Variants in OPCML observed in about 807,000 individuals in gnomAD.
The protein encoded by OPCML is opioid-binding protein/cell adhesion molecule.
Under a neutral mutation model 37.8 loss-of-function variants are expected in OPCML, and 13 were observed. That is an observed-to-expected ratio of 0.34 (90% CI 0.22 to 0.55). The LOEUF (loss-of-function observed/expected upper bound fraction) is 0.55, where lower values mean the gene tolerates loss of function less well. OPCML is among the 20% of genes least tolerant of loss of function. The pLI is 0.91. For synonymous variants in OPCML, 176 were observed against 168.8 expected, an observed-to-expected ratio of 1.04 and a Z score of -0.33; for missense variants, 341 against 435.6, an observed-to-expected ratio of 0.78 and a Z score of 1.93.
chr11:132,923,755 A>ATTTTTTT lies in OPCML; in HGVS notation c.146+19164_146+19170dup, dbSNP rs71038509. Among the ~76,000 whole-genome samples, 112 of 92,092 alleles carry ATTTTTTT rather than the reference A, an allele frequency of 1.2e-3. 2 individuals carry two copies. The highest frequency in any genetic ancestry group is 2.5e-3 in the African/African-American group (56 of 22,010). 60.4% of individuals were successfully genotyped at this position (92,092 alleles called of 152,430 possible). A position where few individuals can be genotyped will look rare whatever the true frequency, so the allele number is the denominator to read the frequency against. On this transcript the variant is annotated intron_variant, in intron 2 of 7. Coordinates refer to ENST00000524381, the MANE Select transcript of OPCML (RefSeq NM_001012393.5). ...GCGAAGTATCACAGAAGTTACTTGA[A>ATTTTTTT]TTTTTTTTTTTTTTTTTTTTTTTTT...
intron 1 of OPCML, among the ~76,000 whole-genome samples, chr11:133,362,973 C>T (rs970815087): frequency 6.6e-6 from 1 of 152,222 alleles, no homozygotes; most frequent in African/African-American, 2.4e-5. Flanking sequence ...CTTGTTTTCA[C>T]ATGGGACTAC....
At chr11:133,357,241 G>C (rs1267139995) in intron 1 of OPCML, among the ~76,000 whole-genome samples, 1 of 152,176 alleles carries the variant, frequency 6.6e-6, no homozygotes, top group Non-Finnish European at 1.5e-5. Flanking sequence ...AAGAGGCATG[G>C]ACATACACTT....
At position 133,532,415 on chromosome 11, in the gene OPCML, G is replaced by T. The variant is rs1304404270; in HGVS notation, c.-91C>A. On this transcript the variant is annotated 5_prime_UTR_variant, in exon 1 of 8. In the 5' UTR this introduces an upstream ATG that the reference lacks. Transcript: ENST00000524381. ...CTTCCTCTGTGCTGAATTCTGAGCA[G>T]GTTTAAATCCAATGTTTGCAAAGGG... 4 of 1,485,130 alleles carry T rather than the reference G, an allele frequency of 2.7e-6. No homozygotes were observed. The highest frequency in any genetic ancestry group is 2.8e-6 in the Non-Finnish European group (3 of 1,084,564). 92.0% of individuals were successfully genotyped at this position (1,485,130 alleles called of 1,614,324 possible). A position where few individuals can be genotyped will look rare whatever the true frequency, so the allele number is the denominator to read the frequency against.
intron 1 of OPCML, among the ~76,000 whole-genome samples, chr11:133,284,295 C>T (rs1942239849): frequency 6.6e-6 from 1 of 152,214 alleles, no homozygotes; most frequent in African/African-American, 2.4e-5. Context: ...TCAGAGGCCC[C>T]TCTGGCTGTT....
chr11:132,735,388 A>G (rs1415879348), intron 2 of OPCML, among the ~76,000 whole-genome samples: 1 of 152,220 alleles, frequency 6.6e-6, no homozygotes, highest in East Asian at 1.9e-4. Flanking sequence ...ATAGACAAAG[A>G]CTTCTCTGGA....
At chr11:132,632,650 T>G (rs1417609065) in intron 3 of OPCML, among the ~76,000 whole-genome samples, 1 of 152,138 alleles carries the variant, frequency 6.6e-6, no homozygotes, top group Non-Finnish European at 1.5e-5. Context: ...CTACTCCTTT[T>G]GGTCTTTTTC....
chr11:132,554,127 T>A (rs2096388838), intron 3 of OPCML, among the ~76,000 whole-genome samples: 1 of 152,136 alleles, frequency 6.6e-6, no homozygotes, highest in Non-Finnish European at 1.5e-5. Context: ...ATTTAGATCA[T>A]TAAACGTGAG....
At chr11:133,423,248 C>T (rs1396410634) in intron 1 of OPCML, 9 of 985,258 alleles carry the variant, frequency 9.1e-6, no homozygotes, top group Non-Finnish European at 1.1e-5. Context: ...AGTTTTTCTA[C>T]CTTATTCTTG....
chr11:132,523,471 A>C (rs111713982), intron 4 of OPCML, among the ~76,000 whole-genome samples: 4 of 62,034 alleles, frequency 6.4e-5, no homozygotes, highest in African/African-American at 1.3e-4. Context: ...CTTATTTAGG[A>C]CTAATCAACT....
chr11:133,125,541 T>C (rs1949486802), intron 1 of OPCML, among the ~76,000 whole-genome samples: 1 of 149,300 alleles, frequency 6.7e-6, no homozygotes, highest in African/African-American at 2.5e-5. Flanking sequence ...TCCAGAGAAA[T>C]AAAACTAATA....
At chr11:133,408,220 G>A (rs150963967) in intron 1 of OPCML, among the ~76,000 whole-genome samples, 16 of 152,284 alleles carry the variant, frequency 1.1e-4, no homozygotes, top group Middle Eastern at 3.4e-3. Context: ...TGAGATGCGT[G>A]TGAGCATATA....
chr11:132,950,168 G>A (rs1945827992), intron 1 of OPCML, among the ~76,000 whole-genome samples: 1 of 152,202 alleles, frequency 6.6e-6, no homozygotes, highest in African/African-American at 2.4e-5. Flanking sequence ...CAGTGGAAAA[G>A]AGACGGGTTG....
chr11:133,066,609 C>T (rs1217106335), intron 1 of OPCML: 1 of 152,306 alleles, frequency 6.6e-6, no homozygotes, highest in Non-Finnish European at 1.5e-5. Flanking sequence ...AATCATCTGT[C>T]ATATGAGGCT....
At chr11:133,240,934 T>C (rs779030334) in intron 1 of OPCML, among the ~76,000 whole-genome samples, 9 of 152,268 alleles carry the variant, frequency 5.9e-5, no homozygotes, top group Non-Finnish European at 1.3e-4. Context: ...CACTACCCTC[T>C]GCCAATTCTT....
At chr11:133,318,717 T>A (rs1005109892) in intron 1 of OPCML, among the ~76,000 whole-genome samples, 1 of 152,172 alleles carries the variant, frequency 6.6e-6, no homozygotes, top group Non-Finnish European at 1.5e-5. Flanking sequence ...GCTACAGCGG[T>A]TACTGGCTCC....
intron 2 of OPCML, among the ~76,000 whole-genome samples, chr11:132,748,472 A>T (rs1945718389): frequency 6.6e-6 from 1 of 152,176 alleles, no homozygotes; most frequent in Admixed American, 6.5e-5. Flanking sequence ...ATCAAAACCA[A>T]ATAGAACCAC....
intron 1 of OPCML, among the ~76,000 whole-genome samples, chr11:133,093,743 G>T (rs181390885): frequency 6.6e-6 from 1 of 151,584 alleles, no homozygotes; most frequent in Non-Finnish European, 1.5e-5. Flanking sequence ...AGACTGTGTA[G>T]GTTCTTCATG....
At chr11:132,739,080 G>A (rs1360732307) in intron 2 of OPCML, among the ~76,000 whole-genome samples, 1 of 152,130 alleles carries the variant, frequency 6.6e-6, no homozygotes, top group Non-Finnish European at 1.5e-5. Context: ...GCTCAGAAAT[G>A]ACGCCAAGCA....
intron 1 of OPCML, among the ~76,000 whole-genome samples, chr11:132,993,817 C>A (rs60892333): frequency 0.1 from 15,138 of 151,964 alleles, 1,163 homozygotes; most frequent in African/African-American, 0.21. Context: ...CTGACAACTA[C>A]CCCCCCACCC....
Sources: gnomAD v4.1 joint callset for allele counts (sites outside exome capture counted in the v4.1 genomes callset) on GRCh38, gnomAD v4.1.1 for gene constraint, MANE v1.5 for transcripts, NCBI Gene and HGNC (gene_info 2026-07-23, HGNC 2026-07-21) for gene names.